Variants in ZNF423 observed in about 807,000 individuals in gnomAD.
ZNF423 encodes Ebf-associated zinc finger protein.
A neutral mutation model predicts 95.8 loss-of-function variants in ZNF423; 12 were observed. That is an observed-to-expected ratio of 0.13 (90% CI 0.08 to 0.20). ZNF423 has a LOEUF of 0.20. Ranked by LOEUF, ZNF423 falls within the 10% of genes least tolerant of loss-of-function variation. The pLI, the probability that ZNF423 is intolerant of heterozygous loss-of-function variation, is 1.00. For synonymous variants in ZNF423, 749 were observed against 711.9 expected (o/e 1.05, Z -0.83); for missense variants, 1,316 against 1,737.1 (o/e 0.76, Z 4.31).
chr16:49,726,928 T>G (rs1319756410), intron 3 of ZNF423, among the ~76,000 whole-genome samples: 1 of 148,896 alleles, frequency 6.7e-6, no homozygotes, highest in Non-Finnish European at 1.5e-5. Flanking sequence ...CATAACATGT[T>G]ATGTGACAAA....
intron 3 of ZNF423, among the ~76,000 whole-genome samples, chr16:49,695,759 G>A (rs1443620520): frequency 6.6e-6 from 1 of 152,188 alleles, no homozygotes; most frequent in African/African-American, 2.4e-5. Context: ...TGTTCATAAA[G>A]CAAAAAGAGT....
intron 3 of ZNF423, among the ~76,000 whole-genome samples, chr16:49,667,791 CA>C (rs1372720911): frequency 1.3e-5 from 2 of 152,220 alleles, no homozygotes; most frequent in Admixed American, 6.5e-5. Flanking sequence ...GAAGCTAAGG[CA>C]GGGGGATCAC....
At chr16:49,691,594 T>C (rs1437014025) in intron 3 of ZNF423, among the ~76,000 whole-genome samples, 1 of 151,914 alleles carries the variant, frequency 6.6e-6, no homozygotes, top group Middle Eastern at 3.2e-3. Flanking sequence ...TAGCTGGGCA[T>C]GGTGATGGGT....
At chr16:49,644,734 C>T (rs1973114780) in intron 3 of ZNF423, among the ~76,000 whole-genome samples, 1 of 144,262 alleles carries the variant, frequency 6.9e-6, no homozygotes, top group Non-Finnish European at 1.5e-5. Context: ...CTCATCCAGC[C>T]ATTGGAATAA....
chr16:49,824,971 C>CA (rs1007716467), intron 1 of ZNF423, among the ~76,000 whole-genome samples: 1 of 152,164 alleles, frequency 6.6e-6, no homozygotes, highest in Admixed American at 6.5e-5. Context: ...AATTACTAAA[C>CA]AAATCAAATC....
chr16:49,836,611 C>A (rs2035122686), intron 1 of ZNF423, among the ~76,000 whole-genome samples: 1 of 152,140 alleles, frequency 6.6e-6, no homozygotes, highest in South Asian at 2.1e-4. Context: ...GCCTCACCCA[C>A]AGGATGGCGA....
chr16:49,659,245 C>A (rs1203067261), intron 3 of ZNF423, among the ~76,000 whole-genome samples: 1 of 152,132 alleles, frequency 6.6e-6, no homozygotes, highest in African/African-American at 2.4e-5. Context: ...TGCCACCACT[C>A]CTGGCTAATT....
chr16:49,626,116 A>G, intron 5 of ZNF423, 54 bp downstream of exon 5: 1 of 1,586,670 alleles, frequency 6.3e-7, no homozygotes, highest in Non-Finnish European at 8.7e-7. Flanking sequence ...GGAACCGCAA[A>G]TTTAAAACCC....
intron 5 of ZNF423, among the ~76,000 whole-genome samples, chr16:49,562,171 G>A (rs1035774530): frequency 1.3e-5 from 2 of 152,170 alleles, no homozygotes; most frequent in Admixed American, 6.5e-5. Context: ...AACCATTATG[G>A]GAGAGTGGTC....
intron 3 of ZNF423, among the ~76,000 whole-genome samples, chr16:49,696,633 G>A (rs1315582363): frequency 6.6e-6 from 1 of 152,166 alleles, no homozygotes; most frequent in African/African-American, 2.4e-5. Context: ...CAGAGGCTGT[G>A]ACGGCACCTA....
At chr16:49,681,507 G>C (rs904827712) in intron 3 of ZNF423, among the ~76,000 whole-genome samples, 1 of 152,198 alleles carries the variant, frequency 6.6e-6, no homozygotes, top group Admixed American at 6.5e-5. Context: ...TATAAACCTT[G>C]GTGCTGGAAG....
chr16:49,847,256 A>G (rs568462235), intron 1 of ZNF423: 15 of 152,410 alleles, frequency 9.8e-5, no homozygotes, highest in African/African-American at 3.6e-4. Flanking sequence ...CAAGGCAATC[A>G]AGTGGACAAA....
chr16:49,562,112 T>A (rs1428818307), intron 5 of ZNF423, among the ~76,000 whole-genome samples: 1 of 152,150 alleles, frequency 6.6e-6, no homozygotes, highest in African/African-American at 2.4e-5. Context: ...AAAGGTAACA[T>A]CCCTATATAG....
intron 5 of ZNF423, among the ~76,000 whole-genome samples, chr16:49,552,865 C>A (rs2012879449): frequency 6.6e-6 from 1 of 151,952 alleles, no homozygotes; most frequent in African/African-American, 2.4e-5. Context: ...CAAGGGCCCC[C>A]ACCCCTCCAG....
intron 5 of ZNF423, among the ~76,000 whole-genome samples, chr16:49,558,725 C>T (rs1969921206): frequency 6.6e-6 from 1 of 152,228 alleles, no homozygotes; most frequent in African/African-American, 2.4e-5. Context: ...AGGAATTGCA[C>T]ATTTTGAGGA....
chr16:49,839,622 G>C (rs1012240466), intron 1 of ZNF423, among the ~76,000 whole-genome samples: 8 of 152,308 alleles, frequency 5.3e-5, no homozygotes, highest in Admixed American at 3.9e-4. Flanking sequence ...ACCCTGAAGC[G>C]GCTTCTGCCC....
intron 3 of ZNF423, among the ~76,000 whole-genome samples, chr16:49,654,320 G>A (rs1973525629): frequency 6.6e-6 from 1 of 152,222 alleles, no homozygotes; most frequent in South Asian, 2.1e-4. Context: ...AGGTGGTGGT[G>A]GGAAGGGTGG....
At chr16:49,550,925 G>C (rs539914685) in intron 5 of ZNF423, among the ~76,000 whole-genome samples, 1 of 152,238 alleles carries the variant, frequency 6.6e-6, no homozygotes, top group Non-Finnish European at 1.5e-5. Context: ...GCCTCCCTTC[G>C]CAGGTACCTA....
intron 7 of ZNF423, among the ~76,000 whole-genome samples, chr16:49,491,726 C>T (rs1379870384): frequency 6.6e-6 from 1 of 152,102 alleles, no homozygotes; most frequent in Non-Finnish European, 1.5e-5. Context: ...CCCTCGCATC[C>T]CCCTCTCAGT....
Sources: allele counts gnomAD v4.1 joint callset (sites outside exome capture counted in the v4.1 genomes callset), GRCh38; gene constraint gnomAD v4.1.1; transcripts MANE v1.5; gene names NCBI Gene and HGNC (gene_info 2026-07-23, HGNC 2026-07-21).